Variants in CEP295 observed in about 807,000 individuals in gnomAD.
The protein encoded by CEP295 is centrosomal protein 295, also known as centrosomal protein of 295 kDa.
A neutral mutation model predicts 291.6 loss-of-function variants in CEP295; 190 were observed. The observed-to-expected ratio is 0.65, with a 90% CI of 0.58 to 0.73. The LOEUF (loss-of-function observed/expected upper bound fraction) is 0.73. CEP295 is among the 30% of genes least tolerant of loss of function. The pLI, the probability that CEP295 is intolerant of heterozygous loss-of-function variation, is 0.00. For missense variants in CEP295, 2,863 were observed against 2,949.4 expected, an observed-to-expected ratio of 0.97 and a Z score of 0.68; for synonymous variants, 993 against 1,038.8, an observed-to-expected ratio of 0.96 and a Z score of 0.85.
intron 24 of CEP295, chr11:93,727,928 G>A (rs1937613855): frequency 4.1e-6 from 1 of 242,486 alleles, no homozygotes; most frequent in African/African-American, 2.3e-5. Flanking sequence ...TTTGAAAACT[G>A]TCTTCTGAGA....
Position 93,729,442 on chromosome 11 carries a change from G to A in CEP295, c.7311G>A (p.Glu2437=), listed in dbSNP as rs963508987. 2 of 1,550,766 alleles carry A rather than the reference G, an allele frequency of 1.3e-6. No homozygotes were observed. Among genetic ancestry groups the A allele is most frequent in the African/African-American group, 1.4e-5 (1 of 73,134 alleles). The change falls in exon 26 of 30, where the codon GAG becomes GAA. Residue 2437 remains glutamate, a synonymous_variant. Coordinates refer to ENST00000325212, the MANE Select transcript of CEP295 (RefSeq NM_033395.2). ...AACTTTCTTGCCATTAGGTGAGTGA[G>A]TTTCTGCCTCTTGTATCAGCAACAG... The part of the protein sequence containing the change: ...NEAKCFFQVS[E]FLPLVSATEA...
intron 4 of CEP295, 63 bp downstream of exon 4, chr11:93,668,995 A>G (rs1950312426): frequency 1.3e-6 from 1 of 792,004 alleles, no homozygotes; most frequent in Admixed American, 3.2e-5. Flanking sequence ...TAGAGGATAC[A>G]TAGGATACTG....
At chr11:93,668,012 AAAAT>A (rs1046495482) in intron 3 of CEP295, among the ~76,000 whole-genome samples, 11 of 152,252 alleles carry the variant, frequency 7.2e-5, no homozygotes, top group African/African-American at 2.4e-4. Flanking sequence ...CATGTCAAAT[AAAAT>A]TGGTCTTCCT....
At chr11:93,682,045 TAGTAC>T (rs1951001164) in intron 7 of CEP295, among the ~76,000 whole-genome samples, 1 of 152,054 alleles carries the variant, frequency 6.6e-6, no homozygotes, top group Non-Finnish European at 1.5e-5. Flanking sequence ...TGAGCTAGAA[TAGTAC>T]ACTTACTCAA....
At chr11:93,692,999 C>G (rs1198701559) in intron 12 of CEP295, among the ~76,000 whole-genome samples, 2 of 144,656 alleles carry the variant, frequency 1.4e-5, no homozygotes, top group Non-Finnish European at 3.0e-5. Flanking sequence ...AACAAAAGGC[C>G]GGGCCCGGTG....
chr11:93,698,307 A>G lies in CEP295; in HGVS notation c.3395A>G (p.Glu1132Gly). The change falls in exon 15 of 30, where the codon GAG (glutamate) becomes GGG (glycine). Residue 1132 changes from glutamate (E) to glycine (G), a missense_variant. By Grantham distance (98) the Glu-to-Gly change is moderately conservative (BLOSUM62 -2). This residue lies in a region of CEP295 where 2,295 missense variants were observed against 2,335.7 expected (regional missense o/e 0.98). Transcript: ENST00000325212. ...CAGGAGCTTTATTTATCTGAGAAGG[A>G]GAATGTAGGTCCCTCCTGTCATTTG... ...RIQELYLSEK[E>G]NVGPSCHLII... is the part of the protein sequence containing the mutation. 1 of 1,551,950 alleles carries G rather than the reference A, an allele frequency of 6.4e-7. No homozygotes were observed. The highest frequency in any genetic ancestry group is 8.7e-7 in the Non-Finnish European group (1 of 1,147,020).
At chr11:93,664,494 G>A (rs191967603) in intron 1 of CEP295, among the ~76,000 whole-genome samples, 1 of 152,330 alleles carries the variant, frequency 6.6e-6, no homozygotes, top group East Asian at 1.9e-4. Flanking sequence ...TAGATGAGTA[G>A]GATGCATTAA....
intron 18 of CEP295, among the ~76,000 whole-genome samples, chr11:93,708,186 TTA>T (rs1952644452): frequency 6.6e-6 from 1 of 152,180 alleles, no homozygotes; most frequent in Non-Finnish European, 1.5e-5. Context: ...AACAATTCAA[TTA>T]TAGTTTTAGT....
At chr11:93,729,395 G>C (rs752589777) in intron 25 of CEP295, 39 bp from the exon 26 acceptor site, 2 of 1,388,160 alleles carry the variant, frequency 1.4e-6, no homozygotes, top group South Asian at 2.5e-5. Context: ...CGCTTAAAGC[G>C]TTTAAAAAGA....
Position 93,699,192 on chromosome 11 carries a change from T to C in CEP295, c.4280T>C (p.Ile1427Thr). The C allele has an allele frequency of 6.4e-7, 1 of 1,551,932 alleles. No individual in the cohort carries two copies. The highest frequency in any genetic ancestry group is 1.2e-5 in the South Asian group (1 of 84,056). Residue 1427 changes from isoleucine to threonine, a missense_variant, in exon 15 of 30, where the codon ATA becomes ACA. Ile to Thr is a moderately conservative substitution (Grantham distance 89, BLOSUM62 -1). Around this residue, in one of 3 missense-constraint regions of CEP295, gnomAD observed 2,295 missense variants for 2,335.7 expected, o/e 0.98. Transcript: ENST00000325212. ...CCATGTTCAATTAACAGTGATAATA[T>C]AGTATCCTCAGGTCACTCAGAGATA... The part of the protein sequence containing the change: ...QEPCSINSDN[I>T]VSSGHSEIPT...
intron 18 of CEP295, among the ~76,000 whole-genome samples, chr11:93,712,340 G>A (rs995718129): frequency 2.0e-5 from 3 of 151,968 alleles, no homozygotes; most frequent in Admixed American, 6.6e-5. Flanking sequence ...TGCAGCCTCC[G>A]CCTCGTGGGT....
Position 93,685,686 on chromosome 11 carries a change from C to A in CEP295, c.1114+1558C>A, listed in dbSNP as rs550880232. The stretch of plus-strand genomic sequence containing the variant: ...TCTGCAGAACCTTTTCTTTTCATGC[C>A]AGGTCAGCTGTGTCTTTGTTTGTTT... On this transcript the variant is annotated intron_variant, in intron 9 of 29. Coordinates refer to ENST00000325212, the MANE Select transcript of CEP295 (RefSeq NM_033395.2). 1.7e-4 allele frequency among the ~76,000 whole-genome samples: 24 copies of A among 142,768 alleles called. No homozygotes were observed. In the South Asian group the frequency reaches 6.0e-3, roughly 36 times the overall value. The allele number at this position is 142,768 out of a possible 152,430, so 93.7% of individuals were successfully genotyped here. A position where few individuals can be genotyped will look rare whatever the true frequency, so the allele number is the denominator to read the frequency against.
In CEP295 at chr11:93,666,775, A is replaced by G; in HGVS notation, c.68A>G (p.Lys23Arg). The G allele has an allele frequency of 6.5e-7, 1 of 1,548,972 alleles. No homozygotes were observed. Among genetic ancestry groups the G allele is most frequent in the South Asian group, 1.2e-5 (1 of 83,910 alleles). Residue 23 changes from lysine to arginine, a missense_variant, in exon 2 of 30, where the codon AAG becomes AGG. By Grantham distance (26) the Lys-to-Arg change is conservative (BLOSUM62 2). This residue lies in a region of CEP295 where 554 missense variants were observed against 576.0 expected (regional missense o/e 0.96). Coordinates refer to ENST00000325212, the MANE Select transcript of CEP295 (RefSeq NM_033395.2). ...CCTAATGAGGAAGCCTTCATTTTGA[A>G]GGAAGATTATGAAAGAAGGCGAAAA... ...LSPNEEAFIL[K>R]EDYERRRKLR... is the part of the protein sequence containing the mutation.
Position 93,729,482 on chromosome 11 carries a change from C to G in CEP295, c.7351C>G (p.Pro2451Ala), listed in dbSNP as rs1938062943. ...ATCAGCAACAGAAGCCTCAGATTAT[C>G]CAGCTGTATCAGAACTTTCCATAGA... ...LVSATEASDY[P>A]AVSELSIEKP... Residue 2451 changes from proline to alanine, a missense_variant, in exon 26 of 30, where the codon CCA becomes GCA. This residue lies in a region of CEP295 where 2,295 missense variants were observed against 2,335.7 expected (regional missense o/e 0.98). Coordinates refer to ENST00000325212, the MANE Select transcript of CEP295 (RefSeq NM_033395.2). 3 of 1,551,826 alleles carry G rather than the reference C, an allele frequency of 1.9e-6. No individual in the cohort carries two copies. In the African/African-American group the frequency reaches 4.1e-5, roughly 21 times the overall value.
intron 18 of CEP295, among the ~76,000 whole-genome samples, chr11:93,716,653 G>A (rs962563402): frequency 3.9e-5 from 6 of 152,328 alleles, no homozygotes; most frequent in African/African-American, 1.4e-4. Context: ...TCACAAAAGG[G>A]GGTGGGCTAG....
At chr11:93,668,044 A>G (rs1267853317) in intron 3 of CEP295, among the ~76,000 whole-genome samples, 5 of 152,128 alleles carry the variant, frequency 3.3e-5, no homozygotes, top group African/African-American at 9.7e-5. Context: ...TCAAGTTAGC[A>G]TTATTCTCTT....
intron 18 of CEP295, among the ~76,000 whole-genome samples, chr11:93,715,714 A>G (rs964416683): frequency 1.3e-5 from 2 of 151,982 alleles, no homozygotes; most frequent in Non-Finnish European, 2.9e-5. Flanking sequence ...TCCTGCCAGG[A>G]CTGGGTCCTT....
At chr11:93,728,952 G>T in intron 25 of CEP295, 131 bp downstream of exon 25, 1 of 725,394 alleles carries the variant, frequency 1.4e-6, no homozygotes, top group Non-Finnish European at 2.2e-6. Context: ...ACCCCCACCA[G>T]CTCTCAATTT....
chr11:93,666,807 T>C lies in CEP295; in HGVS notation c.100T>C (p.Leu34=). The C allele has an allele frequency of 6.6e-7, 1 of 1,512,292 alleles. No individual in the cohort carries two copies. The highest frequency in any genetic ancestry group is 1.2e-5 in the South Asian group (1 of 83,246). The allele number at this position is 1,512,292 out of a possible 1,614,324, so 93.7% of individuals were successfully genotyped here. The part of the protein sequence containing the change: ...EDYERRRKLR[L]LQVREQERDI... ...TTATGAAAGAAGGCGAAAACTAAGA[T>C]TGCTACAGGTATGACTTATTTGTAA... Residue 34 remains leucine, a synonymous_variant, in exon 2 of 30, where the codon TTG becomes CTG. Coordinates refer to ENST00000325212, the MANE Select transcript of CEP295 (RefSeq NM_033395.2).
Sources: allele counts gnomAD v4.1 joint callset (sites outside exome capture counted in the v4.1 genomes callset), GRCh38; gene constraint gnomAD v4.1.1; regional missense constraint gnomAD v4.1.1; transcripts MANE v1.5; gene names NCBI Gene and HGNC (gene_info 2026-07-23, HGNC 2026-07-21).